The following RCL1 variants were observed in gnomAD, a reference collection of about 807,000 sequenced individuals.
RCL1 encodes the protein RNA 3'-terminal phosphate cyclase-like protein.
Under a neutral mutation model 42.4 loss-of-function variants are expected in RCL1, and 24 were observed. That is an observed-to-expected ratio of 0.57 (90% CI 0.41 to 0.80). RCL1 has a LOEUF of 0.80. RCL1 is among the 30% of genes least tolerant of loss of function. The pLI is 0.00. For missense variants in RCL1, 578 were observed against 467.9 expected, an observed-to-expected ratio of 1.24 and a Z score of -2.17; for synonymous variants, 228 against 177.3, an observed-to-expected ratio of 1.29 and a Z score of -2.27.
chr9:4,803,791 A>AATT (rs879504850), intron 1 of RCL1: 1 of 173,898 alleles, frequency 5.8e-6, no homozygotes, highest in African/African-American at 2.4e-5. Flanking sequence ...TTGTGATTTA[A>AATT]AAGTGCTTCA....
chr9:4,812,100 C>G (rs912038213), intron 1 of RCL1, among the ~76,000 whole-genome samples: 1 of 152,122 alleles, frequency 6.6e-6, no homozygotes, highest in Non-Finnish European at 1.5e-5. Context: ...TTATTAATCC[C>G]TTGTTGGATG....
At chr9:4,832,373 G>A (rs938377361) in intron 3 of RCL1, among the ~76,000 whole-genome samples, 3 of 152,164 alleles carry the variant, frequency 2.0e-5, no homozygotes, top group African/African-American at 7.2e-5. Flanking sequence ...CTCATCATTG[G>A]CATTCTTAGG....
intron 1 of RCL1, among the ~76,000 whole-genome samples, chr9:4,809,569 G>C (rs935213269): frequency 2.6e-5 from 4 of 152,050 alleles, no homozygotes; most frequent in African/African-American, 9.7e-5. Context: ...CGGCCTCCCA[G>C]AGTGCTGGGA....
chr9:4,826,714 A>C, intron 2 of RCL1, 144 bp from the exon 3 acceptor site: 1 of 690,756 alleles, frequency 1.4e-6, no homozygotes, highest in Non-Finnish European at 2.5e-6. Context: ...TTTGGAGCGA[A>C]GTGTGGGCTC....
At chr9:4,821,644 ATT>A (rs375803052) in intron 1 of RCL1, among the ~76,000 whole-genome samples, 3 of 148,320 alleles carry the variant, frequency 2.0e-5, no homozygotes, top group Admixed American at 6.7e-5. Flanking sequence ...AGCTGGACTC[ATT>A]TTTTTTTTTC....
intron 5 of RCL1, among the ~76,000 whole-genome samples, chr9:4,837,400 T>A (rs1467123513): frequency 6.6e-6 from 1 of 152,196 alleles, no homozygotes; most frequent in Admixed American, 6.5e-5. Context: ...CCAATAAGTG[T>A]ACAGGAATAC....
rs144732807 is a variant in RCL1, at chr9:4,859,194, A to G, written c.972-931A>G. On this transcript the variant is annotated intron_variant, in intron 8 of 8. Coordinates refer to ENST00000381750, the MANE Select transcript of RCL1 (RefSeq NM_005772.5). ...TTCATCCACAGAATTGCTCTTCCCA[A>G]GGTACTCTTGGACTGATGCCATCGC... Among the ~76,000 whole-genome samples the G allele has an allele frequency of 5.3e-3, 812 of 152,274 alleles. 8 individuals are homozygous for G. The highest frequency in any genetic ancestry group is 0.019 in the African/African-American group (788 of 41,530).
chr9:4,829,840 A>T lies in RCL1; in HGVS notation c.384+2807A>T, dbSNP rs112102160. 8.9e-3 allele frequency among the ~76,000 whole-genome samples: 1,350 copies of T among 152,288 alleles called. 23 individuals are homozygous for T. The highest frequency in any genetic ancestry group is 0.031 in the African/African-American group (1,275 of 41,540). On this transcript the variant is annotated intron_variant, in intron 3 of 8. Transcript: ENST00000381750. The stretch of plus-strand genomic sequence containing the variant: ...TGGTGGTTCCTCCATGACAGCCATC[A>T]GTTGGAGGTGAGTAGCAGCTGCCTT...
At chr9:4,793,566 C>G (rs993612742) in intron 1 of RCL1, among the ~76,000 whole-genome samples, 1 of 152,220 alleles carries the variant, frequency 6.6e-6, no homozygotes, top group East Asian at 1.9e-4. Context: ...ATAAACCTCT[C>G]AAAGGAGAAA....
At chr9:4,834,964 A>G (rs773349424) in intron 5 of RCL1, among the ~76,000 whole-genome samples, 17 of 152,194 alleles carry the variant, frequency 1.1e-4, no homozygotes. Flanking sequence ...CAGGCATTTA[A>G]TTTTTACTTT....
At chr9:4,851,063 C>T (rs1447173286) in intron 8 of RCL1, among the ~76,000 whole-genome samples, 5 of 152,064 alleles carry the variant, frequency 3.3e-5, no homozygotes, top group Non-Finnish European at 7.4e-5. Flanking sequence ...TTCAATTTGG[C>T]TCCAGGACCT....
chr9:4,823,735 T>C, intron 2 of RCL1, 116 bp downstream of exon 2: 1 of 664,678 alleles, frequency 1.5e-6, no homozygotes, highest in Non-Finnish European at 2.6e-6. Context: ...CAAATCACTC[T>C]TTTTAATGGT....
chr9:4,844,515 G>A lies in RCL1; in HGVS notation c.711-10G>A. Reference sequence around the variant, plus strand: ...AAACCTACTCAGTGTTTGTGCCTTTGTATCTCCAGGTCTCCGGGCTTTGGG... The same window carrying A: ...AAACCTACTCAGTGTTTGTGCCTTTATATCTCCAGGTCTCCGGGCTTTGGG... On this transcript the variant is annotated splice_polypyrimidine_tract_variant and intron_variant, in intron 6 of 8. Transcript: ENST00000381750. The A allele has an allele frequency of 6.2e-7, 1 of 1,602,262 alleles. No homozygotes were observed.
In RCL1 at chr9:4,802,113, C is replaced by G. The variant is rs1341555567; in HGVS notation, c.136+8886C>G. ...TTTTTTTTTTGTATTTTTGTAGAGGCGGGGTTTCACCATGTTGGCCAGGCT... is the reference window on the plus strand; with the variant it reads ...TTTTTTTTTTGTATTTTTGTAGAGGGGGGGTTTCACCATGTTGGCCAGGCT... On this transcript the variant is annotated intron_variant, in intron 1 of 8. Coordinates refer to ENST00000381750, the MANE Select transcript of RCL1 (RefSeq NM_005772.5). Among the ~76,000 whole-genome samples the G allele has an allele frequency of 2.0e-3, 220 of 108,940 alleles. 1 individual carries two copies. The highest frequency in any genetic ancestry group is 5.7e-3 in the Middle Eastern group (1 of 174). 71.5% of individuals were successfully genotyped at this position (108,940 alleles called of 152,430 possible). A position where few individuals can be genotyped will look rare whatever the true frequency, so the allele number is the denominator to read the frequency against.
Position 4,860,368 on chromosome 9 carries a change from A to G in RCL1, c.*93A>G. 1.5e-6 allele frequency: 2 copies of G among 1,313,108 alleles called. No individual in the cohort carries two copies. Among genetic ancestry groups the G allele is most frequent in the South Asian group, 1.4e-5 (1 of 69,906 alleles). The allele number at this position is 1,313,108 out of a possible 1,614,324, so 81.3% of individuals were successfully genotyped here. A position where few individuals can be genotyped will look rare whatever the true frequency, so the allele number is the denominator to read the frequency against. On this transcript the variant is annotated 3_prime_UTR_variant, in exon 9 of 9. Transcript: ENST00000381750. ...CCAAGTCCAAATGGATTAATCCAGG[A>G]CAGAATAGCCACTTGCTTAATTTTC...
intron 8 of RCL1, among the ~76,000 whole-genome samples, chr9:4,853,146 G>A (rs1219850145): frequency 6.6e-6 from 1 of 151,930 alleles, no homozygotes; most frequent in Non-Finnish European, 1.5e-5. Context: ...AACTTATCTG[G>A]TTTTCATCAT....
intron 1 of RCL1, among the ~76,000 whole-genome samples, chr9:4,794,229 G>T (rs1270732189): frequency 1.3e-5 from 2 of 152,158 alleles, no homozygotes; most frequent in African/African-American, 4.8e-5. Flanking sequence ...GCATTTTTTG[G>T]ATAGTTAGAT....
intron 1 of RCL1, among the ~76,000 whole-genome samples, chr9:4,813,860 A>G (rs1816271326): frequency 1.3e-5 from 2 of 152,240 alleles, no homozygotes; most frequent in South Asian, 4.1e-4. Flanking sequence ...GTGCAGCCAT[A>G]AAAAATGATG....
intron 1 of RCL1, among the ~76,000 whole-genome samples, chr9:4,797,753 A>T (rs1045194080): frequency 6.6e-6 from 1 of 152,224 alleles, no homozygotes; most frequent in Non-Finnish European, 1.5e-5. Flanking sequence ...AGAAGACTAC[A>T]CAAGGATTTA....
Sources: gnomAD v4.1 joint callset for allele counts (sites outside exome capture counted in the v4.1 genomes callset) on GRCh38, gnomAD v4.1.1 for gene constraint, MANE v1.5 for transcripts, NCBI Gene and HGNC (gene_info 2026-07-23, HGNC 2026-07-21) for gene names.